CPM: variants seen among roughly 807,000 people sequenced by gnomAD.
CPM encodes carboxypeptidase M.
Under a neutral mutation model 46.4 loss-of-function variants are expected in CPM, and 35 were observed. The ratio of observed to expected loss-of-function variants is 0.75; its 90% CI spans 0.58 to 1.00. CPM has a LOEUF of 1.00. Ranked by LOEUF, CPM falls within the 50% of genes least tolerant of loss-of-function variation. CPM has a pLI of 0.00. For missense variants in CPM, 422 were observed against 530.4 expected, an observed-to-expected ratio of 0.80 and a Z score of 2.01; for synonymous variants, 195 against 195.3, an observed-to-expected ratio of 1.00 and a Z score of 0.01.
At chr12:68,882,025 T>TG (rs1555195281) in intron 3 of CPM, among the ~76,000 whole-genome samples, 4,455 of 17,708 alleles carry the variant, frequency 0.25, 250 homozygotes, top group African/African-American at 0.27. Flanking sequence ...CCCGGCCTGC[T>TG]TTTTTTTTTT....
intron 1 of CPM, among the ~76,000 whole-genome samples, chr12:68,960,270 C>T (rs915139648): frequency 2.0e-5 from 3 of 152,166 alleles, no homozygotes; most frequent in Non-Finnish European, 2.9e-5. Context: ...TTTCTCAATA[C>T]GATGTCGACG....
intron 2 of CPM, among the ~76,000 whole-genome samples, chr12:68,929,568 A>G (rs1343063180): frequency 1.3e-5 from 2 of 152,214 alleles, no homozygotes; most frequent in Non-Finnish European, 2.9e-5. Flanking sequence ...AATATGGTCT[A>G]CTATGGCTGA....
At chr12:68,861,251 G>A (rs1419370359) in intron 7 of CPM, among the ~76,000 whole-genome samples, 1 of 152,052 alleles carries the variant, frequency 6.6e-6, no homozygotes, top group Non-Finnish European at 1.5e-5. Flanking sequence ...GAATATATTA[G>A]ATGAATTTCT....
chr12:68,958,247 G>T (rs1889057170), intron 1 of CPM, among the ~76,000 whole-genome samples: 3 of 152,130 alleles, frequency 2.0e-5, no homozygotes, highest in African/African-American at 7.2e-5. Context: ...TCTAGTTCTA[G>T]ATCCTTGAGG....
chr12:68,856,814 G>T, intron 8 of CPM, 135 bp from the exon 9 acceptor site: 1 of 1,187,290 alleles, frequency 8.4e-7, no homozygotes, highest in Non-Finnish European at 1.2e-6. Context: ...CTCTGGGCCA[G>T]CAACAGATTT....
At chr12:68,867,935 G>A (rs1391351070) in intron 6 of CPM, among the ~76,000 whole-genome samples, 1 of 152,204 alleles carries the variant, frequency 6.6e-6, no homozygotes, top group Non-Finnish European at 1.5e-5. Flanking sequence ...GGATAAGGCG[G>A]GTCAGGCCTG....
intron 1 of CPM, among the ~76,000 whole-genome samples, chr12:68,946,116 T>A (rs761649737): frequency 3.2e-4 from 48 of 152,216 alleles, no homozygotes; most frequent in Non-Finnish European, 5.6e-4. Flanking sequence ...TGCCTCGGCC[T>A]CTCAAAATGT....
intron 3 of CPM, among the ~76,000 whole-genome samples, chr12:68,875,040 A>G (rs1484558643): frequency 6.6e-6 from 1 of 152,144 alleles, no homozygotes; most frequent in Non-Finnish European, 1.5e-5. Context: ...TCTTGGTAGT[A>G]TGGGTATAGA....
At chr12:68,879,911 T>C (rs1886113973) in intron 3 of CPM, among the ~76,000 whole-genome samples, 1 of 152,154 alleles carries the variant, frequency 6.6e-6, no homozygotes, top group South Asian at 2.1e-4. Context: ...TTTCAGGGCA[T>C]GGTCCCAGTT....
At chr12:68,871,747 G>T (rs758592139) in intron 4 of CPM, 37 bp downstream of exon 4, 2 of 1,610,584 alleles carry the variant, frequency 1.2e-6, no homozygotes, top group Non-Finnish European at 1.7e-6. Flanking sequence ...TTTGTGTTGT[G>T]TTGTTTTCAA....
chr12:68,844,000 A>G (rs1884043322), intron 5 of CPM: 1 of 207,566 alleles, frequency 4.8e-6, no homozygotes, highest in Non-Finnish European at 9.8e-6. Flanking sequence ...TTTTTTTCTG[A>G]GGAGTATCGG....
chr12:68,901,207 G>C (rs1887097932), intron 2 of CPM, among the ~76,000 whole-genome samples: 1 of 152,140 alleles, frequency 6.6e-6, no homozygotes, highest in Non-Finnish European at 1.5e-5. Flanking sequence ...CTCTAAAACT[G>C]CTCTAAGAAA....
At chr12:68,879,257 C>A (rs1663580) in intron 3 of CPM, among the ~76,000 whole-genome samples, 23,126 of 152,212 alleles carry the variant, frequency 0.15, 3,557 homozygotes, top group African/African-American at 0.39. Flanking sequence ...TCCTACAGTA[C>A]AGTATTTAAG....
chr12:68,897,758 C>T (rs900643308), intron 2 of CPM, among the ~76,000 whole-genome samples: 25 of 146,108 alleles, frequency 1.7e-4, no homozygotes, highest in Non-Finnish European at 3.0e-5. Flanking sequence ...AAAAAAAAGG[C>T]ACAATCATTA....
exon 6 of CPM, chr12:68,842,259 C>T (rs755631246): frequency 5.2e-5 from 26 of 496,648 alleles, no homozygotes; most frequent in Admixed American, 1.6e-4. Flanking sequence ...AAAAGGACTA[C>T]GGAAAGTTCA....
At chr12:68,959,869 A>G (rs996803428) in intron 1 of CPM, among the ~76,000 whole-genome samples, 1 of 152,246 alleles carries the variant, frequency 6.6e-6, no homozygotes, top group African/African-American at 2.4e-5. Context: ...CTATATCCCC[A>G]GGCGTCTCTC....
chr12:68,900,453 A>C (rs1887066382), intron 2 of CPM, among the ~76,000 whole-genome samples: 2 of 152,214 alleles, frequency 1.3e-5, no homozygotes, highest in African/African-American at 4.8e-5. Context: ...CAAAATGGCC[A>C]ATTTGGAAAG....
At chr12:68,844,928 C>T (rs1269905611) in intron 5 of CPM, 1 of 197,866 alleles carries the variant, frequency 5.1e-6, no homozygotes, top group Non-Finnish European at 1.0e-5. Flanking sequence ...TCACCACGCC[C>T]CGCTAATTTT....
chr12:68,885,661 G>T, intron 3 of CPM, 131 bp downstream of exon 3: 1 of 711,878 alleles, frequency 1.4e-6, no homozygotes, highest in Non-Finnish European at 2.4e-6. Flanking sequence ...AGACCTCTCT[G>T]GGCCTTGCTT....
Sources: gnomAD v4.1 joint callset for allele counts (sites outside exome capture counted in the v4.1 genomes callset) on GRCh38, gnomAD v4.1.1 for gene constraint, MANE v1.5 for transcripts, NCBI Gene and HGNC (gene_info 2026-07-23, HGNC 2026-07-21) for gene names.